Variants in ABI3BP observed in about 807,000 individuals in gnomAD.
ABI3BP encodes ABI family member 3 binding protein.
Under a neutral mutation model 268.6 loss-of-function variants are expected in ABI3BP, and 216 were observed. The observed-to-expected ratio is 0.80, with a 90% CI of 0.72 to 0.90. The LOEUF (loss-of-function observed/expected upper bound fraction) is 0.90. ABI3BP is among the 40% of genes least tolerant of loss of function. ABI3BP has a pLI of 0.00. For synonymous variants in ABI3BP, 730 were observed against 730.0 expected, an observed-to-expected ratio of 1.00 and a Z score of 0.00; for missense variants, 2,090 against 2,182.4, an observed-to-expected ratio of 0.96 and a Z score of 0.84.
chr3:100,849,854 T>C (rs1266643281), intron 17 of ABI3BP, among the ~76,000 whole-genome samples, 191 bp downstream of exon 17: 1 of 152,228 alleles, frequency 6.6e-6, no homozygotes, highest in African/African-American at 2.4e-5. Context: ...TCATCAGGAT[T>C]GTGAAAATTC....
chr3:100,898,885 C>A lies in ABI3BP; in HGVS notation c.338G>T (p.Arg113Leu). The change falls in exon 4 of 68, where the codon CGT (arginine) becomes CTT (leucine). Residue 113 changes from arginine (R) to leucine (L), a missense_variant. Transcript: ENST00000471714. ...SQKKSCSGKT[R>L]SRKPLQLVVG... is the part of the protein sequence containing the mutation. ...CACCAGCTGCAGAGGTTTGCGAGAA[C>A]GAGTTTTACCTGTGGAGGTGGCATA... The A allele has an allele frequency of 1.2e-6, 2 of 1,609,146 alleles. No individual in the cohort carries two copies. Among genetic ancestry groups the A allele is most frequent in the Non-Finnish European group, 1.7e-6 (2 of 1,178,118 alleles).
At chr3:100,959,139 A>T (rs925957603) in intron 1 of ABI3BP, among the ~76,000 whole-genome samples, 1 of 152,106 alleles carries the variant, frequency 6.6e-6, no homozygotes, top group African/African-American at 2.4e-5. Context: ...ACCATTAGAG[A>T]CCTTCCACAG....
chr3:100,791,533 C>T (rs2097197223), intron 55 of ABI3BP, among the ~76,000 whole-genome samples: 3 of 151,788 alleles, frequency 2.0e-5, no homozygotes, highest in Non-Finnish European at 1.5e-5. Context: ...AAATAATAAA[C>T]ATACAGAAAT....
At chr3:100,894,404 G>A (rs2046176846) in intron 4 of ABI3BP, among the ~76,000 whole-genome samples, 1 of 151,908 alleles carries the variant, frequency 6.6e-6, no homozygotes, top group African/African-American at 2.4e-5. Flanking sequence ...TATTTACTTG[G>A]GGCCTCCTAT....
At chr3:100,843,866 T>A in intron 20 of ABI3BP, 1 of 984,798 alleles carries the variant, frequency 1.0e-6, no homozygotes, top group Non-Finnish European at 1.2e-6. Context: ...AAATAAAATT[T>A]GCTACTCATT....
intron 1 of ABI3BP, among the ~76,000 whole-genome samples, chr3:100,961,626 T>C (rs2079135079): frequency 6.6e-6 from 1 of 152,226 alleles, no homozygotes; most frequent in African/African-American, 2.4e-5. Flanking sequence ...AGTCACACTC[T>C]TGTTGGGCAA....
intron 2 of ABI3BP, among the ~76,000 whole-genome samples, chr3:100,923,664 A>C (rs2060945961): frequency 6.6e-6 from 1 of 152,206 alleles, no homozygotes; most frequent in Non-Finnish European, 1.5e-5. Flanking sequence ...TAACGGCAAA[A>C]ACTGCAATAA....
chr3:100,751,467 T>C, intron 67 of ABI3BP, 85 bp downstream of exon 67: 1 of 1,370,974 alleles, frequency 7.3e-7, no homozygotes, highest in Non-Finnish European at 9.5e-7. Flanking sequence ...AGAATTCTTT[T>C]TAAATTGCTT....
At chr3:100,778,226 A>C (rs1159466136) in intron 59 of ABI3BP, 58 bp downstream of exon 59, 1 of 1,519,190 alleles carries the variant, frequency 6.6e-7, no homozygotes, top group Non-Finnish European at 9.1e-7. Context: ...AGAAGAGCTT[A>C]TGTTGGCTAG....
intron 1 of ABI3BP, among the ~76,000 whole-genome samples, chr3:100,957,770 G>C (rs1417361940): frequency 6.6e-6 from 1 of 152,196 alleles, no homozygotes; most frequent in Non-Finnish European, 1.5e-5. Context: ...TTTGACCCTG[G>C]TTCCGCCTGC....
At chr3:100,838,513 G>C in intron 24 of ABI3BP, 49 bp from the exon 25 acceptor site, 3 of 1,413,268 alleles carry the variant, frequency 2.1e-6, no homozygotes, top group South Asian at 2.5e-5. Context: ...GGCTGTGACT[G>C]TCAAAATTAA....
chr3:100,752,525 C>T, intron 66 of ABI3BP: 3 of 327,710 alleles, frequency 9.2e-6, no homozygotes, highest in South Asian at 7.1e-5. Flanking sequence ...GGAGTTTGAC[C>T]ATGGTTAGTG....
intron 54 of ABI3BP, among the ~76,000 whole-genome samples, chr3:100,793,621 C>G (rs1180206150): frequency 6.6e-6 from 1 of 151,906 alleles, no homozygotes; most frequent in Non-Finnish European, 1.5e-5. Context: ...CAGAAATAAG[C>G]TAGATTAGAT....
intron 1 of ABI3BP, among the ~76,000 whole-genome samples, chr3:100,954,588 G>A (rs2076185629): frequency 6.6e-6 from 1 of 152,098 alleles, no homozygotes; most frequent in Non-Finnish European, 1.5e-5. Context: ...ACTATGTTAA[G>A]AATGACAGGT....
At chr3:100,773,090 A>AG (rs896139477) in intron 61 of ABI3BP, among the ~76,000 whole-genome samples, 5 of 151,632 alleles carry the variant, frequency 3.3e-5, no homozygotes, top group Admixed American at 6.6e-5. Context: ...AAAAAAAAAA[A>AG]AAAAGAAAAG....
At chr3:100,784,385 A>G (rs554228262) in intron 57 of ABI3BP, among the ~76,000 whole-genome samples, 4 of 152,236 alleles carry the variant, frequency 2.6e-5, no homozygotes, top group South Asian at 4.2e-4. Context: ...AATAGATGAG[A>G]TGGCGTGGAT....
intron 6 of ABI3BP, among the ~76,000 whole-genome samples, chr3:100,884,287 A>AG (rs562485381): frequency 2.6e-3 from 398 of 152,138 alleles, no homozygotes; most frequent in African/African-American, 9.3e-3. Context: ...AAAGAGAGCG[A>AG]GAAAAAAAAA....
chr3:100,835,783 G>T, intron 27 of ABI3BP, 123 bp from the exon 28 acceptor site: 1 of 817,762 alleles, frequency 1.2e-6, no homozygotes, highest in Non-Finnish European at 1.9e-6. Context: ...TGGGAAAATA[G>T]TATTTGTTTT....
rs2041595389 is a variant in ABI3BP, at chr3:100,885,560, A to G, written c.672T>C (p.Ser224=). Residue 224 remains serine (S), a synonymous_variant, in exon 6 of 68, where the codon AGT becomes AGC. Transcript: ENST00000471714. ...GSKKVNGKIQ[S]TYDQDHTVPA... is the part of the protein sequence containing the mutation. ...CCACTGTGTGGTCTTGGTCATAGGT[A>G]CTTTGGATTTTCCCATTTACTTTTT... is the stretch of plus-strand genomic sequence containing the variant. 1.3e-6 allele frequency: 2 copies of G among 1,563,188 alleles called. No homozygotes were observed. Among genetic ancestry groups the G allele is most frequent in the Non-Finnish European group, 1.7e-6 (2 of 1,150,696 alleles).
Sources: allele counts gnomAD v4.1 joint callset (sites outside exome capture counted in the v4.1 genomes callset), GRCh38; gene constraint gnomAD v4.1.1; transcripts MANE v1.5; gene names NCBI Gene and HGNC (gene_info 2026-07-23, HGNC 2026-07-21).